The following TSPEAR variants were observed in gnomAD, a reference collection of about 807,000 sequenced individuals.
The protein encoded by TSPEAR is thrombospondin type laminin G domain and EAR repeats, also known as thrombospondin-type laminin G domain and EAR repeat-containing protein.
TSPEAR carries 69 observed loss-of-function variants against 71.6 expected under a neutral mutation model. The ratio of observed to expected loss-of-function variants is 0.96; its 90% CI spans 0.79 to 1.18. The LOEUF (loss-of-function observed/expected upper bound fraction) is 1.18, where lower values mean the gene tolerates loss of function less well. Ranked by LOEUF, TSPEAR falls within the 50% of genes most tolerant of loss-of-function variation. The pLI is 0.00. For synonymous variants in TSPEAR, 402 were observed against 387.2 expected, an observed-to-expected ratio of 1.04 and a Z score of -0.45; for missense variants, 971 against 894.9, an observed-to-expected ratio of 1.09 and a Z score of -1.09.
chr21:44,567,297 TCAGAAGGACCTGCTGCA>T (rs1351157799), intron 2 of TSPEAR, among the ~76,000 whole-genome samples: 1 of 152,210 alleles, frequency 6.6e-6, no homozygotes, highest in Non-Finnish European at 1.5e-5. Context: ...TTTATTTACT[TCAGAAGGACCTGCTGCA>T]CAGATATGAC....
intron 1 of TSPEAR, chr21:44,637,950 G>C (rs782417692): frequency 6.2e-7 from 1 of 1,614,060 alleles, no homozygotes; most frequent in Non-Finnish European, 8.5e-7. Context: ...CAGCCTGCTT[G>C]CTGCACCGCC....
intron 1 of TSPEAR, among the ~76,000 whole-genome samples, chr21:44,607,344 C>A (rs1287049485): frequency 6.6e-6 from 1 of 152,238 alleles, no homozygotes; most frequent in Non-Finnish European, 1.5e-5. Context: ...TCCCAAAGTG[C>A]TGGGATTACA....
intron 3 of TSPEAR, among the ~76,000 whole-genome samples, chr21:44,531,514 TGACTGCAAA>T (rs1409768266): frequency 1.3e-5 from 2 of 152,200 alleles, no homozygotes; most frequent in East Asian, 3.8e-4. Flanking sequence ...CTTGACTTGA[TGACTGCAAA>T]GACTCTGTTT....
In TSPEAR at chr21:44,637,741, C is replaced by T. The variant is rs1353891547; in HGVS notation, c.83-69736G>A. 6 of 1,331,300 alleles carry T rather than the reference C, an allele frequency of 4.5e-6. No homozygotes were observed. The African/African-American group carries it at 9.9e-5, about 22-fold the overall frequency. The allele number at this position is 1,331,300 out of a possible 1,614,324, so 82.5% of individuals were successfully genotyped here. On this transcript the variant is annotated intron_variant, in intron 1 of 11. Transcript: ENST00000323084. ...GTGTGCCCGTCTGCTGCGTGCCCGT[C>T]TGTAACAAGCCTGTGTGCTTCGTGC...
chr21:44,527,568 C>T (rs782663998), intron 6 of TSPEAR, 50 bp from the exon 7 acceptor site: 5 of 1,583,654 alleles, frequency 3.2e-6, no homozygotes, highest in East Asian at 2.2e-5. Flanking sequence ...GAACGGAAAT[C>T]CAGAGCAATC....
At chr21:44,518,424 T>G (rs1312979652) in intron 9 of TSPEAR, 2 of 401,452 alleles carry the variant, frequency 5.0e-6, no homozygotes, top group Admixed American at 3.3e-5. Flanking sequence ...TCACAGGGGC[T>G]TTAGGATCAC....
intron 1 of TSPEAR, among the ~76,000 whole-genome samples, chr21:44,639,668 G>A (rs1185728785): frequency 1.3e-5 from 2 of 152,210 alleles, no homozygotes; most frequent in Non-Finnish European, 2.9e-5. Flanking sequence ...TAGGTCTCCG[G>A]GGCCATCCTC....
At chr21:44,569,064 G>A (rs1353128750) in intron 1 of TSPEAR, among the ~76,000 whole-genome samples, 1 of 152,192 alleles carries the variant, frequency 6.6e-6, no homozygotes, top group Non-Finnish European at 1.5e-5. Context: ...AGCAGCTGGA[G>A]AGCAGGACTC....
chr21:44,677,708 T>C, intron 1 of TSPEAR: 3 of 1,427,196 alleles, frequency 2.1e-6, no homozygotes, highest in African/African-American at 1.4e-5. Flanking sequence ...TTTGGAGTTG[T>C]GAGGCAGGCT....
chr21:44,519,828 C>T (rs1248110669), intron 9 of TSPEAR: 1 of 152,344 alleles, frequency 6.6e-6, no homozygotes, highest in Non-Finnish European at 1.5e-5. Context: ...GCAAGCCCCT[C>T]TCAAGGTGCT....
chr21:44,522,280 GC>G (rs2052751060), intron 8 of TSPEAR, among the ~76,000 whole-genome samples, 168 bp from the exon 9 acceptor site: 1 of 152,224 alleles, frequency 6.6e-6, no homozygotes, highest in Non-Finnish European at 1.5e-5. Context: ...CCCGCCCTCA[GC>G]CCCTTGCTGA....
At chr21:44,579,444 G>C in intron 1 of TSPEAR, 1 of 498,192 alleles carries the variant, frequency 2.0e-6, no homozygotes, top group Non-Finnish European at 3.6e-6. Flanking sequence ...GAGCACTACA[G>C]AAAAAGAGAA....
intron 9 of TSPEAR, chr21:44,515,449 T>G (rs1204091367): frequency 1.3e-5 from 2 of 152,416 alleles, no homozygotes; most frequent in Admixed American, 6.5e-5. Context: ...TCCTTCTGTC[T>G]GCTGTGGTCC....
At chr21:44,676,713 C>A in intron 1 of TSPEAR, 1 of 775,682 alleles carries the variant, frequency 1.3e-6, no homozygotes, top group Non-Finnish European at 2.4e-6. Context: ...TCATTTCATT[C>A]TCCATGGCAT....
Position 44,525,859 on chromosome 21 carries a change from G to A in TSPEAR, c.1150-20C>T, listed in dbSNP as rs202075180. On this transcript the variant is annotated intron_variant, in intron 7 of 11. Transcript: ENST00000323084. The stretch of plus-strand genomic sequence containing the variant: ...GAAGATCTGAAAGAGAGTAAACCGG[G>A]ACCACGTGGTTCTGCTTGGGTCGGT... 2.5e-4 allele frequency: 408 copies of A among 1,613,326 alleles called. 2 individuals are homozygous for A. The African/African-American group carries it at 5.0e-3, about 20-fold the overall frequency.
intron 9 of TSPEAR, chr21:44,519,030 GTTT>G (rs587613806): frequency 2.9e-5 from 5 of 171,474 alleles, no homozygotes; most frequent in South Asian, 1.2e-4. Flanking sequence ...TGCTTTTGTT[GTTT>G]TTTTTTTGTT....
At chr21:44,654,113 G>C (rs1334264408) in intron 1 of TSPEAR, 2 of 631,956 alleles carry the variant, frequency 3.2e-6, no homozygotes, top group Admixed American at 2.8e-5. Context: ...AAGGCGCATG[G>C]CCTCACCGGC....
At chr21:44,676,445 C>A in intron 1 of TSPEAR, 1 of 1,072,038 alleles carries the variant, frequency 9.3e-7, no homozygotes. Context: ...AGTTGGTAGG[C>A]TTTTCTGGCT....
At position 44,635,997 on chromosome 21, in the gene TSPEAR, T is replaced by C. The variant is rs1983540484; in HGVS notation, c.83-67992A>G. On this transcript the variant is annotated intron_variant, in intron 1 of 11. Coordinates refer to ENST00000323084, the MANE Select transcript of TSPEAR (RefSeq NM_144991.3). ...AGCTGTTCATCTCATTCATGCTTAT[T>C]GGAAATTTAAAATTTTTAGTCTTCT... 2.6e-5 allele frequency among the ~76,000 whole-genome samples: 4 copies of C among 152,228 alleles called. No homozygotes were observed. In the South Asian group the frequency reaches 8.3e-4, roughly 32 times the overall value.
Sources: allele counts gnomAD v4.1 joint callset (sites outside exome capture counted in the v4.1 genomes callset), GRCh38; gene constraint gnomAD v4.1.1; transcripts MANE v1.5; gene names NCBI Gene and HGNC (gene_info 2026-07-23, HGNC 2026-07-21).